MAGI2: variants seen among roughly 807,000 people sequenced by gnomAD.
MAGI2 encodes the protein membrane-associated guanylate kinase, WW and PDZ domain-containing protein 2.
MAGI2 carries 35 observed loss-of-function variants against 133.3 expected under a neutral mutation model. That is an observed-to-expected ratio of 0.26 (90% confidence interval 0.20 to 0.35). The LOEUF (loss-of-function observed/expected upper bound fraction) is 0.35, where lower values mean the gene tolerates loss of function less well. MAGI2 is among the 10% of genes least tolerant of loss of function. The pLI is 1.00. For synonymous variants in MAGI2, 729 were observed against 710.6 expected (o/e 1.03, Z -0.41); for missense variants, 1,636 against 1,863.4 (o/e 0.88, Z 2.25).
At chr7:78,832,229 AAAATGTAAATTATATT>A (rs1383567393) in intron 2 of MAGI2, among the ~76,000 whole-genome samples, 1 of 152,048 alleles carries the variant, frequency 6.6e-6, no homozygotes, top group Admixed American at 6.6e-5. Context: ...ATTGGTAGTT[AAAATGTAAATTATATT>A]TCTGTTTTTT....
At chr7:78,542,210 C>T (rs749594413) in intron 3 of MAGI2, among the ~76,000 whole-genome samples, 2 of 152,092 alleles carry the variant, frequency 1.3e-5, no homozygotes, top group Non-Finnish European at 2.9e-5. Flanking sequence ...GTTGGCGACA[C>T]AAAAATAGAA....
chr7:78,417,875 A>G (rs772191352), intron 6 of MAGI2, among the ~76,000 whole-genome samples: 2 of 152,108 alleles, frequency 1.3e-5, no homozygotes, highest in Non-Finnish European at 2.9e-5. Flanking sequence ...TGAAATTAGG[A>G]TGTGTCCCCA....
intron 1 of MAGI2, among the ~76,000 whole-genome samples, chr7:79,165,178 T>A (rs889369485): frequency 6.6e-6 from 1 of 151,272 alleles, no homozygotes; most frequent in Non-Finnish European, 1.5e-5. Context: ...GTTTGTTTTT[T>A]GTTTTTTTTT....
chr7:78,506,766 G>C (rs1795129261), intron 4 of MAGI2, among the ~76,000 whole-genome samples: 1 of 152,206 alleles, frequency 6.6e-6, no homozygotes, highest in Non-Finnish European at 1.5e-5. Flanking sequence ...GGAGTGGTTG[G>C]TGAAGCCAGA....
chr7:78,227,850 T>TTTGTGTG (rs10630131), intron 10 of MAGI2, among the ~76,000 whole-genome samples: 9,377 of 145,624 alleles, frequency 0.064, 344 homozygotes, highest in Non-Finnish European at 0.079. Flanking sequence ...TCTTACTCAG[T>TTTGTGTG]TGTGTGTGTG....
At chr7:79,236,400 C>T (rs1188248294) in intron 1 of MAGI2, among the ~76,000 whole-genome samples, 1 of 152,206 alleles carries the variant, frequency 6.6e-6, no homozygotes, top group African/African-American at 2.4e-5. Flanking sequence ...CAAGGGTTAG[C>T]ATGAGGGATT....
intron 2 of MAGI2, among the ~76,000 whole-genome samples, chr7:78,864,752 A>C (rs1794417948): frequency 6.6e-6 from 1 of 152,094 alleles, no homozygotes; most frequent in South Asian, 2.1e-4. Flanking sequence ...GATTTCCTTA[A>C]CTTTTATTGC....
chr7:79,046,408 T>A (rs1268061122), intron 1 of MAGI2, among the ~76,000 whole-genome samples: 2 of 152,138 alleles, frequency 1.3e-5, no homozygotes, highest in Non-Finnish European at 2.9e-5. Flanking sequence ...CCTACAGACA[T>A]CTTGATCTCA....
At chr7:79,362,723 GA>G (rs751554384) in intron 1 of MAGI2, among the ~76,000 whole-genome samples, 2 of 151,964 alleles carry the variant, frequency 1.3e-5, no homozygotes, top group African/African-American at 2.4e-5. Context: ...AGCCTTGGAT[GA>G]AATCCAATGG....
intron 1 of MAGI2, among the ~76,000 whole-genome samples, chr7:79,182,635 A>G (rs548881051): frequency 1.3e-5 from 2 of 152,118 alleles, no homozygotes; most frequent in South Asian, 2.1e-4. Flanking sequence ...AAGATTTCTC[A>G]AAGAACTAAA....
chr7:78,946,500 G>C (rs1195122994), intron 2 of MAGI2, among the ~76,000 whole-genome samples: 1 of 152,156 alleles, frequency 6.6e-6, no homozygotes, highest in African/African-American at 2.4e-5. Context: ...TGATTGGATG[G>C]TACCTTATAT....
chr7:79,208,844 T>A (rs1026118361), intron 1 of MAGI2, among the ~76,000 whole-genome samples: 1 of 151,992 alleles, frequency 6.6e-6, no homozygotes, highest in African/African-American at 2.4e-5. Context: ...GAGTATAATT[T>A]GGCCATAAAA....
At chr7:78,753,769 C>T (rs936007893) in intron 2 of MAGI2, among the ~76,000 whole-genome samples, 24 of 148,248 alleles carry the variant, frequency 1.6e-4, no homozygotes, top group African/African-American at 3.7e-4. Flanking sequence ...TTTTTGAAAA[C>T]GATAAATAAG....
chr7:78,600,996 T>G (rs1168101242), intron 3 of MAGI2, among the ~76,000 whole-genome samples: 1 of 152,130 alleles, frequency 6.6e-6, no homozygotes, highest in Non-Finnish European at 1.5e-5. Context: ...CTACTTAACT[T>G]TTAAAAATAT....
At chr7:79,139,659 A>T (rs1821933270) in intron 1 of MAGI2, among the ~76,000 whole-genome samples, 1 of 152,200 alleles carries the variant, frequency 6.6e-6, no homozygotes, top group Admixed American at 6.5e-5. Flanking sequence ...GGTAACTGGG[A>T]GTACTATACA....
chr7:79,185,816 C>G (rs542921861), intron 1 of MAGI2, among the ~76,000 whole-genome samples: 1 of 151,810 alleles, frequency 6.6e-6, no homozygotes, highest in Admixed American at 6.6e-5. Context: ...TGGATGTCTT[C>G]CTAAGCCAGT....
intron 3 of MAGI2, among the ~76,000 whole-genome samples, chr7:78,540,513 G>A (rs1342788247): frequency 6.6e-6 from 1 of 152,194 alleles, no homozygotes; most frequent in South Asian, 2.1e-4. Context: ...CCTCTGGACT[G>A]AGAGAGAAAG....
At chr7:79,283,005 T>C (rs1771271931) in intron 1 of MAGI2, among the ~76,000 whole-genome samples, 1 of 152,128 alleles carries the variant, frequency 6.6e-6, no homozygotes, top group Admixed American at 6.6e-5. Flanking sequence ...CCAGATGTGA[T>C]CAAATGGCTG....
chr7:78,453,576 A>G (rs1303479668), intron 6 of MAGI2, among the ~76,000 whole-genome samples: 1 of 152,042 alleles, frequency 6.6e-6, no homozygotes, highest in Non-Finnish European at 1.5e-5. Flanking sequence ...CCCAAATGTC[A>G]CTTCACTTGA....
Sources: allele counts gnomAD v4.1 joint callset (sites outside exome capture counted in the v4.1 genomes callset), GRCh38; gene constraint gnomAD v4.1.1; transcripts MANE v1.5; gene names NCBI Gene and HGNC (gene_info 2026-07-23, HGNC 2026-07-21).